SLC33A1: variants seen among roughly 807,000 people sequenced by gnomAD.
The protein encoded by SLC33A1 is acetyl-coenzyme A transporter 1.
A neutral mutation model predicts 50.0 loss-of-function variants in SLC33A1; 20 were observed. That is an observed-to-expected ratio of 0.40 (90% CI 0.28 to 0.58). SLC33A1 has a LOEUF of 0.58. SLC33A1 is among the 20% of genes least tolerant of loss of function. The probability of loss-of-function intolerance (pLI) is 0.44; values close to 1 mark genes in which losing one functional copy is unlikely to be tolerated. For missense variants in SLC33A1, 476 were observed against 657.0 expected (o/e 0.72, Z 3.01); for synonymous variants, 265 against 251.8 (o/e 1.05, Z -0.50).
In SLC33A1 at chr3:155,853,831, G is replaced by C; in HGVS notation, c.167C>G (p.Thr56Ser). The C allele has an allele frequency of 5.6e-6, 9 of 1,608,562 alleles. No homozygotes were observed. The highest frequency in any genetic ancestry group is 7.6e-6 in the Non-Finnish European group (9 of 1,176,708). ...GGCTTTTAAGAAGTCGCCAGTGCCG[G>C]TATCCCCCAGAAGAGCTTCTCTGTC... ...EGDREALLGD[T>S]GTGDFLKAPQ... The change falls in exon 1 of 6, where the codon ACC becomes AGC. Residue 56 changes from threonine (T) to serine (S), a missense_variant. By Grantham distance (58) the Thr-to-Ser change is moderately conservative. Coordinates refer to ENST00000643144, the MANE Select transcript of SLC33A1 (RefSeq NM_004733.4).
intron 1 of SLC33A1, among the ~76,000 whole-genome samples, chr3:155,850,029 G>T (rs1753337682): frequency 6.6e-6 from 1 of 150,860 alleles, no homozygotes; most frequent in Admixed American, 6.6e-5. Flanking sequence ...TCTTTTTTGA[G>T]ATGGAGTCTT....
At chr3:155,836,276 CTG>C in intron 2 of SLC33A1, among the ~76,000 whole-genome samples, 1 of 42,038 alleles carries the variant, frequency 2.4e-5, no homozygotes, top group East Asian at 7.6e-4. Context: ...GAGTGAGACT[CTG>C]TCAAAAAAAA....
intron 2 of SLC33A1, among the ~76,000 whole-genome samples, chr3:155,834,328 T>C (rs965765433): frequency 2.6e-5 from 4 of 152,192 alleles, no homozygotes; most frequent in African/African-American, 4.8e-5. Flanking sequence ...CAATGTGTTA[T>C]AGTAAACGGG....
At chr3:155,849,527 T>C (rs1472695208) in intron 1 of SLC33A1, among the ~76,000 whole-genome samples, 1 of 151,714 alleles carries the variant, frequency 6.6e-6, no homozygotes, top group African/African-American at 2.4e-5. Flanking sequence ...ATATAAACAG[T>C]TGAATTAAAA....
chr3:155,833,605 G>T lies in SLC33A1; in HGVS notation c.1149-20C>A, dbSNP rs767290326. The T allele has an allele frequency of 7.3e-7, 1 of 1,363,248 alleles. No homozygotes were observed. The highest frequency in any genetic ancestry group is 1.2e-5 in the South Asian group (1 of 86,014). 84.4% of individuals were successfully genotyped at this position (1,363,248 alleles called of 1,614,324 possible). On this transcript the variant is annotated intron_variant, in intron 3 of 5. Transcript: ENST00000643144. Reference sequence around the variant, plus strand: ...AATAATCTATAGAGAAAGAAACATTGAGTTGACTTCCATTTTAGCTTAAAT... The same window carrying T: ...AATAATCTATAGAGAAAGAAACATTTAGTTGACTTCCATTTTAGCTTAAAT...
chr3:155,837,814 AAATT>A lies in SLC33A1; in HGVS notation c.964-3777_964-3774del, dbSNP rs1205220759. Among the ~76,000 whole-genome samples, 6 of 152,370 alleles carry A rather than the reference AAATT, an allele frequency of 3.9e-5. No individual in the cohort carries two copies. In the East Asian group the frequency reaches 1.2e-3, roughly 29 times the overall value. Reference sequence around the variant, plus strand: ...TTAATATATAATTCAAAAGGAAAGAAAATTAATCTGTAGTATTAAAAGTTAGGAG... The same window carrying A: ...TTAATATATAATTCAAAAGGAAAGAAAATCTGTAGTATTAAAAGTTAGGAG... On this transcript the variant is annotated intron_variant, in intron 2 of 5. Coordinates refer to ENST00000643144, the MANE Select transcript of SLC33A1 (RefSeq NM_004733.4).
At chr3:155,838,381 G>A (rs1283398882) in intron 2 of SLC33A1, among the ~76,000 whole-genome samples, 1 of 151,190 alleles carries the variant, frequency 6.6e-6, no homozygotes, top group African/African-American at 2.4e-5. Context: ...TACAGAAAAT[G>A]TAAAAATTAG....
chr3:155,830,933 G>C (rs906061433), intron 4 of SLC33A1, among the ~76,000 whole-genome samples: 4 of 152,044 alleles, frequency 2.6e-5, no homozygotes, highest in African/African-American at 9.7e-5. Context: ...TTTCAATAAT[G>C]GTATTCCTTT....
intron 1 of SLC33A1, 127 bp downstream of exon 1, chr3:155,853,096 C>A: frequency 2.3e-6 from 2 of 851,874 alleles, no homozygotes; most frequent in Non-Finnish European, 3.7e-6. Context: ...TTGGACGAAA[C>A]AGAAAACTTA....
In SLC33A1 at chr3:155,834,037, C is replaced by G. The variant is rs765678618; in HGVS notation, c.968G>C (p.Gly323Ala). ...TGTTACAGCATCTGCTGCTGAAAAA[C>G]CAATCTGCAATATAAAAACAAAAAA... is the stretch of plus-strand genomic sequence containing the variant. Reference protein sequence around the residue: ...FCLLILTAKIGFSAADAVTGL... With the variant: ...FCLLILTAKIAFSAADAVTGL... Residue 323 changes from glycine to alanine, a missense_variant, in exon 3 of 6, where the codon GGT (glycine) becomes GCT (alanine). Transcript: ENST00000643144. The G allele has an allele frequency of 9.9e-6, 16 of 1,613,002 alleles. No homozygotes were observed. The highest frequency in any genetic ancestry group is 1.4e-5 in the Non-Finnish European group (16 of 1,179,248).
At chr3:155,828,904 T>TG (rs1491476534) in intron 5 of SLC33A1, among the ~76,000 whole-genome samples, 21 of 116,914 alleles carry the variant, frequency 1.8e-4, no homozygotes, top group African/African-American at 1.3e-3. Context: ...ATGTTTTTTT[T>TG]TTTTTTTTTT....
At chr3:155,832,012 C>T (rs1466359383) in intron 4 of SLC33A1, among the ~76,000 whole-genome samples, 5 of 152,204 alleles carry the variant, frequency 3.3e-5, no homozygotes, top group Admixed American at 6.5e-5. Flanking sequence ...TTAGCAATAA[C>T]TGCAGTTAAG....
chr3:155,832,797 C>T (rs1337753050), intron 4 of SLC33A1, among the ~76,000 whole-genome samples: 1 of 147,082 alleles, frequency 6.8e-6, no homozygotes, highest in Non-Finnish European at 1.5e-5. Context: ...TCAATACTTT[C>T]AGAAAGAAAA....
At chr3:155,841,569 C>G (rs1297789624) in intron 2 of SLC33A1, among the ~76,000 whole-genome samples, 1 of 152,006 alleles carries the variant, frequency 6.6e-6, no homozygotes, top group African/African-American at 2.4e-5. Context: ...CTTATTCTAG[C>G]CTAACATGTT....
rs3840218 is a variant in SLC33A1 at position 155,852,861 on chromosome 3, AG to A, written c.775+361del. Among the ~76,000 whole-genome samples, 62 of 152,352 alleles carry A rather than the reference AG, an allele frequency of 4.1e-4. No individual in the cohort carries two copies. In the East Asian group the frequency reaches 0.012, roughly 29 times the overall value. On this transcript the variant is annotated intron_variant, in intron 1 of 5. Transcript: ENST00000643144. Reference sequence around the variant, plus strand: ...ACAACGGTAGGGGTAGAAATGGATTAGAAAGTATAGAGCTAGAAACCTAAAA... The same window carrying A: ...ACAACGGTAGGGGTAGAAATGGATTAAAAGTATAGAGCTAGAAACCTAAAA...
At position 155,842,584 on chromosome 3, in the gene SLC33A1, T is replaced by C. The variant is rs756412484; in HGVS notation, c.811A>G (p.Thr271Ala). The C allele has an allele frequency of 2.4e-5, 38 of 1,585,804 alleles. No individual in the cohort carries two copies. The highest frequency in any genetic ancestry group is 4.1e-5 in the African/African-American group (3 of 73,948). ...TTCAGAAGGGCAACCAATGTTGTTGTTATTAAAAATACAGTTCCCCAGAAA... is the reference window on the plus strand; with the variant it reads ...TTCAGAAGGGCAACCAATGTTGTTGCTATTAAAAATACAGTTCCCCAGAAA... ...LFFWGTVFLITTTLVALLKKE... is the reference protein window; with the variant it reads ...LFFWGTVFLIATTLVALLKKE... The change falls in exon 2 of 6, where the codon ACA (threonine) becomes GCA (alanine). Residue 271 changes from threonine (T) to alanine (A), a missense_variant. Coordinates refer to ENST00000643144, the MANE Select transcript of SLC33A1 (RefSeq NM_004733.4).
intron 1 of SLC33A1, among the ~76,000 whole-genome samples, chr3:155,851,547 A>G (rs931646193): frequency 1.1e-4 from 16 of 148,400 alleles, no homozygotes; most frequent in Admixed American, 3.4e-4. Context: ...CACTGTGCCC[A>G]GTCGTGACTT....
At chr3:155,838,608 G>A (rs1359333327) in intron 2 of SLC33A1, among the ~76,000 whole-genome samples, 1 of 150,998 alleles carries the variant, frequency 6.6e-6, no homozygotes, top group Non-Finnish European at 1.5e-5. Context: ...TTGAACCCGG[G>A]AGGAGGAGGT....
In SLC33A1 at chr3:155,821,209, C is replaced by T. The variant is rs1377112893; in HGVS notation, c.*7001G>A. 1 of 152,138 alleles carries T rather than the reference C, an allele frequency of 6.6e-6. No individual in the cohort carries two copies. Among genetic ancestry groups the T allele is most frequent in the Non-Finnish European group, 1.5e-5 (1 of 68,016 alleles). The allele number at this position is 152,138 out of a possible 1,614,324, so 9.4% of individuals were successfully genotyped here. On this transcript the variant is annotated 3_prime_UTR_variant, in exon 6 of 6. Coordinates refer to ENST00000643144, the MANE Select transcript of SLC33A1 (RefSeq NM_004733.4). Reference sequence around the variant, plus strand: ...TAACAGTTCAGATATACTCAAAACACACCACACAAAACTATCAAGGCTAAT... The same window carrying T: ...TAACAGTTCAGATATACTCAAAACATACCACACAAAACTATCAAGGCTAAT...
Sources: gnomAD v4.1 joint callset for allele counts (sites outside exome capture counted in the v4.1 genomes callset) on GRCh38, gnomAD v4.1.1 for gene constraint, MANE v1.5 for transcripts, NCBI Gene and HGNC (gene_info 2026-07-23, HGNC 2026-07-21) for gene names.